Variants in LHFPL3 observed in about 807,000 individuals in gnomAD.
The protein encoded by LHFPL3 is LHFPL tetraspan subfamily member 3.
A neutral mutation model predicts 19.3 loss-of-function variants in LHFPL3; 5 were observed. The ratio of observed to expected loss-of-function variants is 0.26; its 90% CI spans 0.14 to 0.54. LHFPL3 has a LOEUF of 0.54. Among genes scored for constraint, LHFPL3 ranks in the 20% least tolerant of loss-of-function variants. The pLI, the probability that LHFPL3 is intolerant of heterozygous loss-of-function variation, is 0.94. For missense variants in LHFPL3, 249 were observed against 307.4 expected (o/e 0.81, Z 1.42); for synonymous variants, 133 against 126.2 (o/e 1.05, Z -0.36).
intron 1 of LHFPL3, among the ~76,000 whole-genome samples, chr7:104,530,456 C>T (rs983132318): frequency 6.6e-5 from 10 of 152,152 alleles, no homozygotes; most frequent in African/African-American, 1.7e-4. Context: ...ACTGAGAGTA[C>T]GGATGGTTGT....
intron 1 of LHFPL3, among the ~76,000 whole-genome samples, chr7:104,353,128 A>C (rs1016102260): frequency 1.3e-5 from 2 of 152,234 alleles, no homozygotes; most frequent in Non-Finnish European, 2.9e-5. Context: ...CATGTTCATG[A>C]AACCAGACAT....
chr7:104,595,324 G>C (rs1204018598), intron 1 of LHFPL3, among the ~76,000 whole-genome samples: 1 of 152,200 alleles, frequency 6.6e-6, no homozygotes, highest in African/African-American at 2.4e-5. Flanking sequence ...GTTGGAGTTT[G>C]CTGGAGTTCC....
In LHFPL3 at chr7:104,508,989, C is replaced by T. The variant is rs62485120; in HGVS notation, c.445+179765C>T. Among the ~76,000 whole-genome samples the T allele has an allele frequency of 7.9e-3, 1,193 of 151,818 alleles. 28 individuals carry two copies. The East Asian group carries it at 0.09, about 12-fold the overall frequency. ...AATGAACAACTCTATATGATAAATT[C>T]GACAAATTAGACAAAATGAACCAAT... On this transcript the variant is annotated intron_variant, in intron 1 of 2. Transcript: ENST00000424859.
chr7:104,497,679 C>A (rs1332311300), intron 1 of LHFPL3, among the ~76,000 whole-genome samples: 1 of 150,822 alleles, frequency 6.6e-6, no homozygotes, highest in African/African-American at 2.4e-5. Flanking sequence ...TAAATATTAA[C>A]ACACCCCCTC....
At chr7:104,592,076 C>G (rs1027934919) in intron 1 of LHFPL3, among the ~76,000 whole-genome samples, 10 of 152,146 alleles carry the variant, frequency 6.6e-5, no homozygotes, top group African/African-American at 2.4e-4. Flanking sequence ...TCCTTTAGCT[C>G]AGAGAAGTTT....
At chr7:104,477,847 A>G (rs951037144) in intron 1 of LHFPL3, among the ~76,000 whole-genome samples, 4 of 152,210 alleles carry the variant, frequency 2.6e-5, no homozygotes, top group African/African-American at 9.7e-5. Context: ...AGGAAGTAGC[A>G]CTTCACTGAA....
chr7:104,386,751 T>C (rs187772251), intron 1 of LHFPL3, among the ~76,000 whole-genome samples: 8 of 152,318 alleles, frequency 5.3e-5, no homozygotes, highest in Admixed American at 1.3e-4. Flanking sequence ...TTTTGTTCAA[T>C]CATTAGCTGA....
At chr7:104,496,927 A>C (rs892190064) in intron 1 of LHFPL3, among the ~76,000 whole-genome samples, 1 of 152,140 alleles carries the variant, frequency 6.6e-6, no homozygotes, top group Non-Finnish European at 1.5e-5. Context: ...CAGTACCCCA[A>C]AGTATTTTTA....
rs536190883 is a variant in LHFPL3 at position 104,668,461 on chromosome 7, G to C, written c.446-68214G>C. The stretch of plus-strand genomic sequence containing the variant: ...TCAGACCGGTATCGGGATGGGTATC[G>C]GGATGGCCCACGCCGGGATATGGAT... On this transcript the variant is annotated intron_variant, in intron 1 of 2. Coordinates refer to ENST00000424859, the MANE Select transcript of LHFPL3 (RefSeq NM_199000.3). 5.9e-5 allele frequency: 95 copies of C among 1,611,942 alleles called. No homozygotes were observed. In the South Asian group the frequency reaches 9.0e-4, roughly 15 times the overall value.
At chr7:104,868,365 G>C (rs982342887) in intron 2 of LHFPL3, among the ~76,000 whole-genome samples, 1 of 151,978 alleles carries the variant, frequency 6.6e-6, no homozygotes, top group Non-Finnish European at 1.5e-5. Flanking sequence ...TAAGCTGATA[G>C]GCAACTTCAG....
At position 104,736,885 on chromosome 7, in the gene LHFPL3, C is replaced by T; in HGVS notation, c.656C>T (p.Ala219Val). The stretch of plus-strand genomic sequence containing the variant: ...GGTAATCGACAAGACAGCTTGATGG[C>T]AGAGGAACTGAAGGCAGAAAACAAA... ...VLGNRQDSLMAEELKAENKVL... is the reference protein window; with the variant it reads ...VLGNRQDSLMVEELKAENKVL... Residue 219 changes from alanine (A) to valine (V), a missense_variant, in exon 2 of 3, where the codon GCA becomes GTA. Ala to Val is a moderately conservative substitution (Grantham distance 64, BLOSUM62 0). Transcript: ENST00000424859. 1.2e-6 allele frequency: 2 copies of T among 1,608,142 alleles called. No individual in the cohort carries two copies. The highest frequency in any genetic ancestry group is 1.7e-6 in the Non-Finnish European group (2 of 1,177,112).
At chr7:104,717,606 T>A (rs1793413100) in intron 1 of LHFPL3, among the ~76,000 whole-genome samples, 1 of 152,092 alleles carries the variant, frequency 6.6e-6, no homozygotes, top group Non-Finnish European at 1.5e-5. Context: ...TACAGTAAGA[T>A]ACCACCTCAT....
intron 1 of LHFPL3, among the ~76,000 whole-genome samples, chr7:104,616,692 G>A (rs1791349656): frequency 6.6e-6 from 1 of 152,144 alleles, no homozygotes; most frequent in African/African-American, 2.4e-5. Context: ...TCATCAGAGT[G>A]AACAGGCAAC....
chr7:104,826,714 T>C (rs770672004), intron 2 of LHFPL3: 1 of 154,660 alleles, frequency 6.5e-6, no homozygotes, highest in Non-Finnish European at 1.4e-5. Context: ...GACAGCCCAG[T>C]TATGGAAGGG....
intron 1 of LHFPL3, among the ~76,000 whole-genome samples, chr7:104,484,149 G>A (rs1274280877): frequency 6.6e-6 from 1 of 152,040 alleles, no homozygotes; most frequent in Non-Finnish European, 1.5e-5. Flanking sequence ...TCTTCATTAA[G>A]AAAACCCCTT....
chr7:104,586,446 A>G (rs1314149407), intron 1 of LHFPL3, among the ~76,000 whole-genome samples: 2 of 152,114 alleles, frequency 1.3e-5, no homozygotes, highest in Non-Finnish European at 2.9e-5. Context: ...AAGAGGTAAC[A>G]TAGTCTATGA....
At chr7:104,507,404 T>C (rs1793720107) in intron 1 of LHFPL3, among the ~76,000 whole-genome samples, 2 of 144,380 alleles carry the variant, frequency 1.4e-5, no homozygotes, top group Admixed American at 6.9e-5. Context: ...TGGCTAGCCA[T>C]ATGTAGAAAG....
At chr7:104,491,290 T>C (rs1050010295) in intron 1 of LHFPL3, among the ~76,000 whole-genome samples, 10 of 152,090 alleles carry the variant, frequency 6.6e-5, no homozygotes, top group African/African-American at 2.4e-4. Context: ...ATGATAACTT[T>C]TGGGCAAGCT....
At chr7:104,493,013 T>C (rs1470448287) in intron 1 of LHFPL3, among the ~76,000 whole-genome samples, 1 of 152,242 alleles carries the variant, frequency 6.6e-6, no homozygotes, top group Non-Finnish European at 1.5e-5. Context: ...CTTTATTCCA[T>C]ATTTATTTAA....
Sources: allele counts gnomAD v4.1 joint callset (sites outside exome capture counted in the v4.1 genomes callset), GRCh38; gene constraint gnomAD v4.1.1; transcripts MANE v1.5; gene names NCBI Gene and HGNC (gene_info 2026-07-23, HGNC 2026-07-21).